The following ITCH variants were observed in gnomAD, a reference collection of about 807,000 sequenced individuals.
The protein encoded by ITCH is itchy E3 ubiquitin protein ligase.
In ITCH, 28 loss-of-function variants were observed where a neutral mutation model predicts 126.8. The observed-to-expected ratio is 0.22, with a 90% confidence interval of 0.16 to 0.30. ITCH has a LOEUF of 0.30. Ranked by LOEUF, ITCH falls within the 10% of genes least tolerant of loss-of-function variation. ITCH has a pLI of 1.00. For missense variants in ITCH, 631 were observed against 1,032.4 expected (o/e 0.61, Z 5.33); for synonymous variants, 342 against 340.0 (o/e 1.01, Z -0.06).
At chr20:34,463,302 G>T (rs921981915) in intron 14 of ITCH, among the ~76,000 whole-genome samples, 2 of 152,218 alleles carry the variant, frequency 1.3e-5, no homozygotes, top group Non-Finnish European at 2.9e-5. Context: ...GGCAGAGGTT[G>T]CAGTGAGTCA....
chr20:34,388,243 A>G (rs2038361284), intron 2 of ITCH, among the ~76,000 whole-genome samples: 1 of 151,924 alleles, frequency 6.6e-6, no homozygotes, highest in African/African-American at 2.4e-5. Context: ...GACTATAGGC[A>G]TGCACCACTG....
chr20:34,507,120 A>G (rs918515281), intron 24 of ITCH, among the ~76,000 whole-genome samples: 2 of 152,132 alleles, frequency 1.3e-5, no homozygotes, highest in African/African-American at 4.8e-5. Flanking sequence ...TTGATCATGT[A>G]GTAATTCTAT....
chr20:34,374,538 ATCTT>A (rs1175868455), intron 2 of ITCH, among the ~76,000 whole-genome samples: 1 of 152,110 alleles, frequency 6.6e-6, no homozygotes, highest in Non-Finnish European at 1.5e-5. Flanking sequence ...CATCAACCTT[ATCTT>A]TCTTAAAGTT....
chr20:34,453,751 T>C (rs1568958466), intron 12 of ITCH, among the ~76,000 whole-genome samples: 1 of 152,146 alleles, frequency 6.6e-6, no homozygotes, highest in African/African-American at 2.4e-5. Flanking sequence ...TCCAGCACTT[T>C]GGGAGGTCGA....
In ITCH at chr20:34,440,475, T is replaced by A. The variant is rs181833350; in HGVS notation, c.869+131T>A. The A allele has an allele frequency of 1.6e-5, 12 of 757,362 alleles. No individual in the cohort carries two copies. The East Asian group carries it at 3.2e-4, about 20-fold the overall frequency. 46.9% of individuals were successfully genotyped at this position (757,362 alleles called of 1,614,324 possible). ...TGACTGTTTTTTAATTTCTTTTTTT[T>A]TTGAGATGGAGTGCTCTGTCTCCCA... On this transcript the variant is annotated intron_variant, in intron 9 of 24. Coordinates refer to ENST00000374864, the MANE Select transcript of ITCH (RefSeq NM_031483.7).
chr20:34,487,438 C>T (rs1568996626), intron 20 of ITCH, among the ~76,000 whole-genome samples: 1 of 152,082 alleles, frequency 6.6e-6, no homozygotes, highest in Non-Finnish European at 1.5e-5. Flanking sequence ...CTATTTGTCT[C>T]GCCTTGCTAT....
rs968173216 is a variant in ITCH at position 34,412,584 on chromosome 20, G to A, written c.282G>A (p.Leu94=). 4 of 1,603,146 alleles carry A rather than the reference G, an allele frequency of 2.5e-6. No homozygotes were observed. In the African/African-American group the frequency reaches 4.0e-5, roughly 16 times the overall value. Residue 94 remains leucine, a synonymous_variant, in exon 5 of 25, where the codon TTG becomes TTA. Coordinates refer to ENST00000374864, the MANE Select transcript of ITCH (RefSeq NM_031483.7). ...WSHQTLKSDV[L]LGTAALDIYE... Reference sequence around the variant, plus strand: ...ACCAGACACTGAAATCTGATGTTTTGTTGGGAACTGCTGCATTAGATATTT... The same window carrying A: ...ACCAGACACTGAAATCTGATGTTTTATTGGGAACTGCTGCATTAGATATTT...
intron 2 of ITCH, among the ~76,000 whole-genome samples, chr20:34,378,968 C>T (rs1458072048): frequency 6.6e-6 from 1 of 152,166 alleles, no homozygotes; most frequent in East Asian, 1.9e-4. Flanking sequence ...GAAGCAAACA[C>T]ACAGATTATT....
chr20:34,441,427 TTTTG>T (rs759960091), intron 9 of ITCH, among the ~76,000 whole-genome samples: 28 of 152,074 alleles, frequency 1.8e-4, no homozygotes, highest in Non-Finnish European at 3.4e-4. Context: ...CTTGTTTATT[TTTTG>T]TTTGTTTGTT....
At chr20:34,430,568 G>A (rs1301161668) in intron 7 of ITCH, among the ~76,000 whole-genome samples, 2 of 152,138 alleles carry the variant, frequency 1.3e-5, no homozygotes, top group African/African-American at 4.8e-5. Context: ...CTGCCTCCTG[G>A]GTTCAAGCAG....
At chr20:34,414,414 G>GT (rs11480998) in intron 6 of ITCH, among the ~76,000 whole-genome samples, 49,834 of 144,304 alleles carry the variant, frequency 0.35, 8,746 homozygotes, top group Admixed American at 0.52. Flanking sequence ...AGAGTTTATT[G>GT]TCTGTAGCAG....
At chr20:34,422,328 A>G (rs1288023232) in intron 6 of ITCH, among the ~76,000 whole-genome samples, 1 of 152,200 alleles carries the variant, frequency 6.6e-6, no homozygotes, top group South Asian at 2.1e-4. Flanking sequence ...CACTGTAGTG[A>G]GAAGGTTTTA....
At chr20:34,368,629 A>G (rs2037507156) in intron 1 of ITCH, among the ~76,000 whole-genome samples, 1 of 152,148 alleles carries the variant, frequency 6.6e-6, no homozygotes, top group South Asian at 2.1e-4. Flanking sequence ...TATCCTCACA[A>G]CTAGAAGCAG....
intron 4 of ITCH, among the ~76,000 whole-genome samples, chr20:34,411,260 T>G (rs1406709439): frequency 2.0e-5 from 3 of 152,160 alleles, no homozygotes; most frequent in South Asian, 2.1e-4. Context: ...CAAGCAAGTC[T>G]CATGCCTCAG....
At chr20:34,391,048 C>T (rs981981968) in intron 2 of ITCH, among the ~76,000 whole-genome samples, 18 of 152,190 alleles carry the variant, frequency 1.2e-4, no homozygotes, top group Non-Finnish European at 1.0e-4. Context: ...TCACCACGCC[C>T]GGCCTAGATT....
intron 3 of ITCH, among the ~76,000 whole-genome samples, chr20:34,405,936 TG>T (rs1305806518): frequency 6.6e-6 from 1 of 152,086 alleles, no homozygotes; most frequent in Non-Finnish European, 1.5e-5. Flanking sequence ...GAGATAGCTC[TG>T]GTCCCCACTT....
At chr20:34,463,617 TC>T (rs1436224541) in intron 14 of ITCH, among the ~76,000 whole-genome samples, 1 of 152,152 alleles carries the variant, frequency 6.6e-6, no homozygotes, top group African/African-American at 2.4e-5. Context: ...GTTTTTTTTT[TC>T]TTCATCATCA....
rs368938122 is a variant in ITCH, at chr20:34,466,290, G to A, written c.1425-3758G>A. 56 of 483,828 alleles carry A rather than the reference G, an allele frequency of 1.2e-4. 1 individual carries two copies. The highest frequency in any genetic ancestry group is 6.5e-4 in the Middle Eastern group (2 of 3,088). The allele number at this position is 483,828 out of a possible 1,614,324, so 30.0% of individuals were successfully genotyped here. On this transcript the variant is annotated intron_variant, in intron 14 of 24. Coordinates refer to ENST00000374864, the MANE Select transcript of ITCH (RefSeq NM_031483.7). ...CCTACTTAGTCAAAAGGATTAAAGT[G>A]TGCTTTTAATATGCTGCTGAGATTT...
intron 13 of ITCH, 60 bp downstream of exon 13, chr20:34,457,534 C>A: frequency 8.8e-7 from 1 of 1,134,178 alleles, no homozygotes; most frequent in Non-Finnish European, 1.3e-6. Context: ...TTTCTAACAA[C>A]TGAAGAAGAT....
Sources: allele counts gnomAD v4.1 joint callset (sites outside exome capture counted in the v4.1 genomes callset), GRCh38; gene constraint gnomAD v4.1.1; transcripts MANE v1.5; gene names NCBI Gene and HGNC (gene_info 2026-07-23, HGNC 2026-07-21).